Variants in SNTG1 observed in about 807,000 individuals in gnomAD.
SNTG1 encodes the protein syntrophin gamma 1, also known as gamma-1-syntrophin.
In SNTG1, 39 loss-of-function variants were observed where a neutral mutation model predicts 74.7. The ratio of observed to expected loss-of-function variants is 0.52; its 90% CI spans 0.40 to 0.68. The LOEUF (loss-of-function observed/expected upper bound fraction) is 0.68, where lower values mean the gene tolerates loss of function less well. Ranked by LOEUF, SNTG1 falls within the 30% of genes least tolerant of loss-of-function variation. SNTG1 has a pLI of 0.00. For missense variants in SNTG1, 685 were observed against 609.5 expected (o/e 1.12, Z -1.30); for synonymous variants, 254 against 217.1 (o/e 1.17, Z -1.49).
intron 1 of SNTG1, among the ~76,000 whole-genome samples, chr8:50,106,047 G>T (rs79795402): frequency 0.03 from 4,537 of 152,144 alleles, 179 homozygotes; most frequent in South Asian, 0.13. Context: ...GATTGCTTTA[G>T]CTAGGACTTC....
intron 1 of SNTG1, among the ~76,000 whole-genome samples, chr8:49,926,193 C>T (rs934678443): frequency 7.9e-5 from 12 of 151,910 alleles, no homozygotes; most frequent in African/African-American, 1.9e-4. Context: ...ACACAAGTAT[C>T]GATTTTCTAA....
chr8:50,492,743 C>G (rs1017061668), intron 8 of SNTG1, among the ~76,000 whole-genome samples: 1 of 152,088 alleles, frequency 6.6e-6, no homozygotes, highest in Non-Finnish European at 1.5e-5. Flanking sequence ...TTTAATGAGA[C>G]GTATTTGTCA....
intron 1 of SNTG1, among the ~76,000 whole-genome samples, chr8:50,153,474 T>C (rs1187799857): frequency 6.6e-6 from 1 of 152,090 alleles, no homozygotes; most frequent in Admixed American, 6.6e-5. Context: ...GGGGGAGAGG[T>C]ACTCTGATTT....
intron 2 of SNTG1, among the ~76,000 whole-genome samples, chr8:50,363,709 TTA>T (rs1280068682): frequency 6.6e-6 from 1 of 152,110 alleles, no homozygotes; most frequent in Non-Finnish European, 1.5e-5. Flanking sequence ...TTATATGCTA[TTA>T]TATGTTTAAG....
Position 50,120,501 on chromosome 8 carries a change from T to C in SNTG1, c.-102-52060T>C, listed in dbSNP as rs966692085. Among the ~76,000 whole-genome samples, 5 of 139,852 alleles carry C rather than the reference T, an allele frequency of 3.6e-5. 1 individual carries two copies. Among genetic ancestry groups the C allele is most frequent in the Non-Finnish European group, 7.9e-5 (5 of 63,248 alleles). The allele number at this position is 139,852 out of a possible 152,430, so 91.7% of individuals were successfully genotyped here. A position where few individuals can be genotyped will look rare whatever the true frequency, so the allele number is the denominator to read the frequency against. On this transcript the variant is annotated intron_variant, in intron 1 of 18. Transcript: ENST00000642720. Reference sequence around the variant, plus strand: ...CTACTGCCACTAACACTATCCAACATTACTGCAATCACCAATACTGCCATC... The same window carrying C: ...CTACTGCCACTAACACTATCCAACACTACTGCAATCACCAATACTGCCATC...
chr8:50,448,264 T>C (rs2093424029), intron 5 of SNTG1, among the ~76,000 whole-genome samples: 3 of 152,048 alleles, frequency 2.0e-5, no homozygotes, highest in African/African-American at 7.2e-5. Context: ...TTACCTTAAT[T>C]ATCATATTTC....
chr8:50,158,604 C>A (rs2082321757), intron 1 of SNTG1, among the ~76,000 whole-genome samples: 1 of 152,148 alleles, frequency 6.6e-6, no homozygotes, highest in Admixed American at 6.5e-5. Flanking sequence ...TACCTACAGA[C>A]ATTTTCCTAT....
chr8:50,624,582 T>A (rs1051281150), intron 13 of SNTG1, among the ~76,000 whole-genome samples: 1 of 152,070 alleles, frequency 6.6e-6, no homozygotes, highest in Non-Finnish European at 1.5e-5. Context: ...AGAAATATAA[T>A]GGTTTTGATT....
intron 4 of SNTG1, among the ~76,000 whole-genome samples, chr8:50,437,675 C>T (rs1227910382): frequency 6.6e-6 from 1 of 152,096 alleles, no homozygotes; most frequent in Non-Finnish European, 1.5e-5. Context: ...GGGTCAGTGT[C>T]TCAAATGATT....
chr8:50,443,761 A>C (rs1224820327), intron 5 of SNTG1, among the ~76,000 whole-genome samples: 1 of 152,298 alleles, frequency 6.6e-6, no homozygotes, highest in African/African-American at 2.4e-5. Context: ...TAAAACCTGA[A>C]ATAAATTACC....
chr8:50,402,412 A>G, intron 4 of SNTG1, 68 bp downstream of exon 4: 1 of 1,504,732 alleles, frequency 6.6e-7, no homozygotes, highest in Non-Finnish European at 8.9e-7. Context: ...GTTTATTCAC[A>G]GGGCATTTTA....
chr8:50,510,707 G>A (rs1482967584), intron 9 of SNTG1, among the ~76,000 whole-genome samples: 2 of 152,152 alleles, frequency 1.3e-5, no homozygotes, highest in South Asian at 4.1e-4. Flanking sequence ...TTGCGTAGAG[G>A]TGTTTATAAT....
intron 17 of SNTG1, among the ~76,000 whole-genome samples, chr8:50,730,504 A>G (rs906846251): frequency 4.6e-5 from 7 of 152,194 alleles, no homozygotes; most frequent in Admixed American, 2.6e-4. Flanking sequence ...TTATGCATTA[A>G]CGAAGATGAA....
At chr8:50,302,565 G>T (rs1035085357) in intron 2 of SNTG1, among the ~76,000 whole-genome samples, 3 of 152,034 alleles carry the variant, frequency 2.0e-5, no homozygotes, top group Non-Finnish European at 4.4e-5. Flanking sequence ...GAATTTTCTT[G>T]AATAAATGAC....
chr8:50,352,286 T>G (rs986574753), intron 2 of SNTG1, among the ~76,000 whole-genome samples: 1 of 152,198 alleles, frequency 6.6e-6, no homozygotes, highest in Non-Finnish European at 1.5e-5. Flanking sequence ...TTTAATTGAT[T>G]CTTGAGGAAG....
At chr8:50,373,463 A>T (rs1397129482) in intron 2 of SNTG1, among the ~76,000 whole-genome samples, 2 of 152,214 alleles carry the variant, frequency 1.3e-5, no homozygotes, top group Non-Finnish European at 2.9e-5. Flanking sequence ...GATGTGTAAG[A>T]TTGTATAATG....
At chr8:50,288,984 ATTAGTTCCAT>A (rs980871331) in intron 2 of SNTG1, among the ~76,000 whole-genome samples, 1 of 152,198 alleles carries the variant, frequency 6.6e-6, no homozygotes, top group African/African-American at 2.4e-5. Flanking sequence ...ATTTCCAAAT[ATTAGTTCCAT>A]TTAGTTCCAA....
At chr8:50,350,753 C>G (rs2130998681) in intron 2 of SNTG1, among the ~76,000 whole-genome samples, 1 of 152,254 alleles carries the variant, frequency 6.6e-6, no homozygotes, top group East Asian at 1.9e-4. Context: ...CTGTATCTAG[C>G]TAATCTAGCA....
At chr8:50,722,255 A>G (rs1420308835) in intron 17 of SNTG1, among the ~76,000 whole-genome samples, 1 of 151,128 alleles carries the variant, frequency 6.6e-6, no homozygotes, top group East Asian at 2.0e-4. Flanking sequence ...GCTCACTGCA[A>G]CATCCACCTC....
Sources: allele counts gnomAD v4.1 joint callset (sites outside exome capture counted in the v4.1 genomes callset), GRCh38; gene constraint gnomAD v4.1.1; transcripts MANE v1.5; gene names NCBI Gene and HGNC (gene_info 2026-07-23, HGNC 2026-07-21).